The following GPR137 variants were observed in gnomAD, a reference collection of about 807,000 sequenced individuals.
GPR137 encodes the protein G protein-coupled receptor 137.
Under a neutral mutation model 38.9 loss-of-function variants are expected in GPR137, and 20 were observed. The observed-to-expected ratio is 0.51, with a 90% CI of 0.36 to 0.75. GPR137 has a LOEUF of 0.75. Among genes scored for constraint, GPR137 ranks in the 30% least tolerant of loss-of-function variants. The pLI, the probability that GPR137 is intolerant of heterozygous loss-of-function variation, is 0.00. For missense variants in GPR137, 456 were observed against 526.4 expected, an observed-to-expected ratio of 0.87 and a Z score of 1.31; for synonymous variants, 226 against 235.8, an observed-to-expected ratio of 0.96 and a Z score of 0.38.
At chr11:64,277,534 C>T (rs757048099) in intron 2 of GPR137, among the ~76,000 whole-genome samples, 8 of 152,192 alleles carry the variant, frequency 5.3e-5, no homozygotes, top group Non-Finnish European at 1.0e-4. Flanking sequence ...AAATCCTAGG[C>T]GCAATCGATC....
At chr11:64,278,531 T>C (rs977718870) in intron 2 of GPR137, among the ~76,000 whole-genome samples, 3 of 152,242 alleles carry the variant, frequency 2.0e-5, no homozygotes, top group Non-Finnish European at 2.9e-5. Flanking sequence ...GCCACAGCCC[T>C]GCGAGGTGGG....
chr11:64,287,300 C>T, intron 2 of GPR137: 2 of 985,372 alleles, frequency 2.0e-6, no homozygotes, highest in Non-Finnish European at 2.4e-6. Flanking sequence ...GCACCAAAGC[C>T]ATATGCACTC....
upstream of GPR137, chr11:64,285,724 G>C (rs1044068216): frequency 4.1e-6 from 4 of 985,272 alleles, no homozygotes; most frequent in Admixed American, 6.1e-5. Flanking sequence ...CGCCAGCGGC[G>C]CAGCTCGCGC....
At chr11:64,281,760 C>G (rs1055139779), upstream of GPR137, among the ~76,000 whole-genome samples, 1 of 152,138 alleles carries the variant, frequency 6.6e-6, no homozygotes, top group Non-Finnish European at 1.5e-5. Context: ...CTCACTCTGT[C>G]GCCAGGCTGG....
At chr11:64,285,687 C>T (rs1221842369), upstream of GPR137, 3 of 985,182 alleles carry the variant, frequency 3.0e-6, no homozygotes, top group Admixed American at 6.2e-5. Flanking sequence ...GGCCGCCCTC[C>T]TGCCGCCTCC....
upstream of GPR137, among the ~76,000 whole-genome samples, chr11:64,281,913 G>A (rs1023985926): frequency 3.9e-5 from 6 of 152,178 alleles, no homozygotes; most frequent in African/African-American, 1.4e-4. Context: ...TAGAGATGGG[G>A]TTTCACCATG....
upstream of GPR137, chr11:64,284,640 G>A (rs966478908): frequency 6.5e-7 from 1 of 1,530,254 alleles, no homozygotes; most frequent in East Asian, 2.4e-5. Flanking sequence ...CCCCAAGCCC[G>A]ATCTCGAGGC....
At chr11:64,275,337 C>T (rs2032981236), upstream of GPR137, among the ~76,000 whole-genome samples, 1 of 152,182 alleles carries the variant, frequency 6.6e-6, no homozygotes, top group African/African-American at 2.4e-5. Context: ...AGAGTAATTT[C>T]CAGTTCTGTG....
chr11:64,289,080 G>C lies in GPR137; in HGVS notation c.1075G>C (p.Gly359Arg), dbSNP rs778726335. Residue 359 changes from glycine to arginine, a missense_variant, in exon 7 of 7, where the codon GGG becomes CGG. By Grantham distance (125) the Gly-to-Arg change is moderately radical. Transcript: ENST00000438980. ...CTCTGGGAGCTGGTATGGTGCCATCGGGCGTGAGCCGGGCTGGTATGGGGG... is the reference window on the plus strand; with the variant it reads ...CTCTGGGAGCTGGTATGGTGCCATCCGGCGTGAGCCGGGCTGGTATGGGGG... Reference protein sequence around the residue: ...LGSGSWYGAIGREPGWYGGSQ... With the variant: ...LGSGSWYGAIRREPGWYGGSQ... The C allele has an allele frequency of 1.9e-6, 3 of 1,608,564 alleles. No individual in the cohort carries two copies. Among genetic ancestry groups the C allele is most frequent in the Middle Eastern group, 1.7e-4 (1 of 6,052 alleles).
chr11:64,282,996 G>C (rs964011909), upstream of GPR137, among the ~76,000 whole-genome samples: 7 of 152,026 alleles, frequency 4.6e-5, no homozygotes, highest in African/African-American at 1.7e-4. Context: ...CCGGGCTGCA[G>C]TGAGCTGAGA....
chr11:64,285,815 G>A, upstream of GPR137: 4 of 985,314 alleles, frequency 4.1e-6, no homozygotes, highest in Non-Finnish European at 4.8e-6. Flanking sequence ...CGTAGCGAAC[G>A]GCGCCCGCGC....
upstream of GPR137, chr11:64,284,227 C>A (rs11541683): frequency 2.4e-5 from 39 of 1,605,802 alleles, no homozygotes; most frequent in Non-Finnish European, 3.3e-5. Context: ...TGGTGACTGG[C>A]GTCCCACAGG....
Position 64,286,750 on chromosome 11 carries a change from C to T in GPR137, c.226C>T (p.Leu76Phe). Residue 76 changes from leucine (L) to phenylalanine (F), a missense_variant, in exon 1 of 7, where the codon CTC (leucine) becomes TTC (phenylalanine). Transcript: ENST00000438980. Reference sequence around the variant, plus strand: ...GCTCTGGGCCGCCTTGCGTACCACCCTCTTCTCCTTCTACTTCCGAGATAC... The same window carrying T: ...GCTCTGGGCCGCCTTGCGTACCACCTTCTTCTCCTTCTACTTCCGAGATAC... The part of the protein sequence containing the change: ...CLLWAALRTT[L>F]FSFYFRDTPR... 2 of 1,612,816 alleles carry T rather than the reference C, an allele frequency of 1.2e-6. No homozygotes were observed. Among genetic ancestry groups the T allele is most frequent in the African/African-American group, 1.3e-5 (1 of 75,010 alleles).
chr11:64,280,358 AT>A (rs1168306795), upstream of GPR137, among the ~76,000 whole-genome samples: 251 of 132,314 alleles, frequency 1.9e-3, no homozygotes, highest in African/African-American at 6.7e-3. Context: ...AATAATAATA[AT>A]TTTTTTTTTT....
chr11:64,285,526 C>T (rs983974553), upstream of GPR137: 97 of 985,092 alleles, frequency 9.8e-5, no homozygotes, highest in East Asian at 8.5e-3. Flanking sequence ...GACGGGAATC[C>T]GTTGCCGCCC....
At position 64,286,897 on chromosome 11, in the gene GPR137, C is replaced by T; in HGVS notation, c.357+16C>T. The T allele has an allele frequency of 6.2e-7, 1 of 1,608,776 alleles. No individual in the cohort carries two copies. Among genetic ancestry groups the T allele is most frequent in the Non-Finnish European group, 8.5e-7 (1 of 1,176,712 alleles). On this transcript the variant is annotated intron_variant, in intron 1 of 6. Coordinates refer to ENST00000438980, the MANE Select transcript of GPR137 (RefSeq NM_001170880.2). ...CTTTGCCCAGGTAACCAACTGTGGT[C>T]CCGGGTGGGGGGCGGGAGGTGGCAA...
Position 64,286,017 on chromosome 11 carries a change from G to C in GPR137, c.-508G>C, listed in dbSNP as rs2033972758. ...GCAGCTTTCGAGAATTACGAGGACAGGAGGCAGAGGCCCTCCCCATCCGCA... is the reference window on the plus strand; with the variant it reads ...GCAGCTTTCGAGAATTACGAGGACACGAGGCAGAGGCCCTCCCCATCCGCA... On this transcript the variant is annotated 5_prime_UTR_variant, in exon 1 of 7. Transcript: ENST00000438980. 1 of 985,516 alleles carries C rather than the reference G, an allele frequency of 1.0e-6. No homozygotes were observed. Among genetic ancestry groups the C allele is most frequent in the African/African-American group, 1.7e-5 (1 of 57,272 alleles). 61.0% of individuals were successfully genotyped at this position (985,516 alleles called of 1,614,324 possible).
At position 64,288,257 on chromosome 11, in the gene GPR137, C is replaced by T. The variant is rs1035291797; in HGVS notation, c.783+43C>T. 27 of 1,610,022 alleles carry T rather than the reference C, an allele frequency of 1.7e-5. No individual in the cohort carries two copies. Among genetic ancestry groups the T allele is most frequent in the Non-Finnish European group, 2.3e-5 (27 of 1,177,836 alleles). ...TGCCACCTCCTTAGTAGCCGTGGCA[C>T]CTTGGCCCCAGCTGGCCTGGGCCCT... On this transcript the variant is annotated intron_variant, in intron 4 of 6. Transcript: ENST00000438980. The surrounding 1 kb of genome is among the most constrained non-coding windows in gnomAD (Gnocchi z 5.5).
chr11:64,274,992 CAAAA>C (rs34418386), upstream of GPR137, among the ~76,000 whole-genome samples: 33 of 54,392 alleles, frequency 6.1e-4, 1 homozygote, highest in South Asian at 0.024. Flanking sequence ...GACTTTGTCT[CAAAA>C]AAAAAAAAAA....
Sources: gnomAD v4.1 joint callset for allele counts (sites outside exome capture counted in the v4.1 genomes callset) on GRCh38, gnomAD v4.1.1 for gene constraint, Gnocchi (gnomAD v3.1) non-coding constraint, MANE v1.5 for transcripts, NCBI Gene and HGNC (gene_info 2026-07-23, HGNC 2026-07-21) for gene names.